G6PD: variants seen among roughly 807,000 people sequenced by gnomAD.
The protein encoded by G6PD is glucose-6-phosphate dehydrogenase.
G6PD carries 2 observed loss-of-function variants against 38.2 expected under a neutral mutation model. That is an observed-to-expected ratio of 0.05 (90% confidence interval 0.02 to 0.16). The LOEUF (loss-of-function observed/expected upper bound fraction) is 0.16. Ranked by LOEUF, G6PD falls within the 10% of genes least tolerant of loss-of-function variation. The pLI, the probability that G6PD is intolerant of heterozygous loss-of-function variation, is 1.00. For synonymous variants in G6PD, 188 were observed against 196.0 expected (o/e 0.96, Z 0.34); for missense variants, 310 against 471.6 (o/e 0.66, Z 3.17).
At chrX:154,533,937 T>A (rs1368689638) in intron 7 of G6PD, 98 bp downstream of exon 7, 1 of 1,199,544 alleles carries the variant, frequency 8.3e-7, no homozygotes, top group Non-Finnish European at 1.1e-6. Context: ...AACTGCAGGG[T>A]GAGGAGGAGC....
At position 154,532,735 on chromosome X, in the gene G6PD, G is replaced by A. The variant is rs782012418; in HGVS notation, c.1119C>T (p.Phe373=). The A allele has an allele frequency of 8.3e-7, 1 of 1,212,032 alleles. No individual in the cohort carries two copies. The highest frequency in any genetic ancestry group is 3.0e-5 in the East Asian group (1 of 33,849). ...GGAAGATGTCGCCGGCCACATCATG[G>A]AACTGCAGCCTCACCTCGGCCTTGC... ...NERKAEVRLQ[F]HDVAGDIFHQ... is the part of the protein sequence containing the mutation. Residue 373 remains phenylalanine (F), a synonymous_variant, in exon 10 of 13, where the codon TTC becomes TTT. Coordinates refer to ENST00000393562, the MANE Select transcript of G6PD (RefSeq NM_001360016.2).
chrX:154,531,974 CGGGGGT>C lies in G6PD; in HGVS notation c.*20_*25del. On this transcript the variant is annotated 3_prime_UTR_variant, in exon 13 of 13. Transcript: ENST00000393562. ...GCGGCGGGAAGGAGGGTGGCCGTGG[CGGGGGT>C]GGAGGTGGGTGCCCAGGGCTCAGAG... 2.5e-6 allele frequency: 1 copy of C among 403,587 alleles called. No individual in the cohort carries two copies. The highest frequency in any genetic ancestry group is 8.4e-5 in the East Asian group (1 of 11,874). The allele number at this position is 403,587 out of a possible 1,213,427, so 33.3% of individuals were successfully genotyped here.
At chrX:154,541,888 C>T (rs1557231999) in intron 2 of G6PD, among the ~76,000 whole-genome samples, 1 of 112,279 alleles carries the variant, frequency 8.9e-6, no homozygotes, top group Non-Finnish European at 1.9e-5. Flanking sequence ...ACGATGCCTG[C>T]TGGAGGGCCA....
chrX:154,534,945 C>A (rs782049810), intron 5 of G6PD: 5 of 446,898 alleles, frequency 1.1e-5, no homozygotes, highest in South Asian at 9.7e-5. Context: ...GCTGCATTCG[C>A]AGAGCAAGGC....
upstream of G6PD, chrX:154,547,275 C>G (rs1298057672): frequency 8.3e-6 from 6 of 719,332 alleles, no homozygotes; most frequent in African/African-American, 1.2e-4. Flanking sequence ...GCGGGGCCTT[C>G]TGCCGCGCCA....
rs782089171 is a variant in G6PD at position 154,546,135 on chromosome X, C to T, written c.21G>A (p.Leu7=). The part of the protein sequence containing the change: MAEQVA[L]SRTQVCGILR... Reference sequence around the variant, plus strand: ...GGATCCCGCACACCTGGGTCCGGCTCAGGGCCACCTGCTCTGCCATGACGC... The same window carrying T: ...GGATCCCGCACACCTGGGTCCGGCTTAGGGCCACCTGCTCTGCCATGACGC... The change falls in exon 2 of 13, where the codon CTG becomes CTA. Residue 7 remains leucine (L), a synonymous_variant. Coordinates refer to ENST00000393562, the MANE Select transcript of G6PD (RefSeq NM_001360016.2). 20 of 1,210,525 alleles carry T rather than the reference C, an allele frequency of 1.7e-5. No homozygotes were observed. Among genetic ancestry groups the T allele is most frequent in the Non-Finnish European group, 2.2e-5 (20 of 895,408 alleles).
rs2070707576 is a variant in G6PD at position 154,546,170 on chromosome X, GAAGA to G, written c.-8-11_-8-8del. ...TGCTCTGCCATGACGCTGTCTGGTG[GAAGA>G]AAGGCTCGTTAACAAGGCAGAAGAA... On this transcript the variant is annotated splice_region_variant and splice_polypyrimidine_tract_variant and intron_variant, in intron 1 of 12. Coordinates refer to ENST00000393562, the MANE Select transcript of G6PD (RefSeq NM_001360016.2). 1 of 1,211,439 alleles carries G rather than the reference GAAGA, an allele frequency of 8.3e-7. No homozygotes were observed. Among genetic ancestry groups the G allele is most frequent in the Non-Finnish European group, 1.1e-6 (1 of 895,524 alleles).
At chrX:154,534,975 C>A in intron 5 of G6PD, 193 bp downstream of exon 5, 1 of 486,015 alleles carries the variant, frequency 2.1e-6, no homozygotes. Flanking sequence ...GCGGCCTGGC[C>A]GGGCCTTTGG....
rs781784222 is a variant in G6PD, at chrX:154,531,682, C to T, written c.*318G>A. The T allele has an allele frequency of 5.4e-4, 155 of 286,168 alleles. 1 individual carries two copies. The South Asian group carries it at 6.7e-3, about 12-fold the overall frequency. The allele number at this position is 286,168 out of a possible 1,213,427, so 23.6% of individuals were successfully genotyped here. A position where few individuals can be genotyped will look rare whatever the true frequency, so the allele number is the denominator to read the frequency against. On this transcript the variant is annotated 3_prime_UTR_variant, in exon 13 of 13. Transcript: ENST00000393562. ...ACCCTGGCCCCACTCAGGAGTGAGA[C>T]CCAGTGGCCAATAAGCTCTGGGACA...
At chrX:154,544,979 T>C (rs1205437209) in intron 2 of G6PD, among the ~76,000 whole-genome samples, 1 of 112,147 alleles carries the variant, frequency 8.9e-6, no homozygotes, top group Non-Finnish European at 1.9e-5. Flanking sequence ...AAGATGGTCA[T>C]ACAGTAATGA....
chrX:154,533,290 TCCAGGAC>T (rs2070363946), intron 8 of G6PD, 162 bp from the exon 9 acceptor site: 6 of 575,723 alleles, frequency 1.0e-5, no homozygotes, highest in African/African-American at 2.3e-5. Context: ...CTGAGGACCC[TCCAGGAC>T]CACCCTGGTC....
intron 5 of G6PD, 87 bp from the exon 6 acceptor site, chrX:154,534,583 G>A: frequency 9.1e-7 from 1 of 1,103,027 alleles, no homozygotes; most frequent in South Asian, 1.9e-5. Context: ...CGCCCTCCCA[G>A]GGGAGTAGAG....
Position 154,535,813 on chromosome X carries a change from G to A in G6PD, c.267+124C>T, listed in dbSNP as rs1274958618. On this transcript the variant is annotated intron_variant, in intron 4 of 12. Coordinates refer to ENST00000393562, the MANE Select transcript of G6PD (RefSeq NM_001360016.2). ...GTCTCAAGGAAGTACGAGAGCAGGC[G>A]GGGCGGGGCAGGAGAGGAGGAGAGC... The A allele has an allele frequency of 1.2e-5, 7 of 567,542 alleles. No individual in the cohort carries two copies. The Admixed American group carries it at 1.3e-4, about 11-fold the overall frequency. 46.8% of individuals were successfully genotyped at this position (567,542 alleles called of 1,213,427 possible).
intron 2 of G6PD, among the ~76,000 whole-genome samples, chrX:154,537,990 GTTT>G (rs781988750): frequency 1.1e-5 from 1 of 91,074 alleles, no homozygotes; most frequent in Admixed American, 1.2e-4. Flanking sequence ...AAATCAGGAG[GTTT>G]TTTTTTTTTT....
upstream of G6PD, chrX:154,547,173 C>A: frequency 4.3e-6 from 1 of 232,817 alleles, no homozygotes; most frequent in Non-Finnish European, 6.2e-6. Context: ...CCGGTTTCCC[C>A]GCCTGCCCCG....
intron 4 of G6PD, 93 bp downstream of exon 4, chrX:154,535,844 G>T: frequency 1.4e-6 from 1 of 711,751 alleles, no homozygotes; most frequent in Admixed American, 2.5e-5. Context: ...AGAGCATCCC[G>T]GGATGGGATG....
At chrX:154,535,523 C>G in intron 4 of G6PD, 138 bp from the exon 5 acceptor site, 1 of 570,485 alleles carries the variant, frequency 1.8e-6, no homozygotes, top group Non-Finnish European at 2.9e-6. Flanking sequence ...TGTCCCCGTC[C>G]CACACTGGGT....
At chrX:154,538,338 A>G (rs1344102023) in intron 2 of G6PD, among the ~76,000 whole-genome samples, 1 of 112,188 alleles carries the variant, frequency 8.9e-6, no homozygotes, top group Non-Finnish European at 1.9e-5. Flanking sequence ...TCAGCAAACC[A>G]AATCCTGCAA....
Position 154,532,569 on chromosome X carries a change from T to C in G6PD, c.1285A>G (p.Lys429Glu), listed in dbSNP as rs1557229648. The change falls in exon 10 of 13, where the codon AAG (lysine) becomes GAG (glutamate). Residue 429 changes from lysine (K) to glutamate (E), a missense_variant and splice_region_variant. Lys to Glu is a moderately conservative substitution (Grantham distance 56). Coordinates refer to ENST00000393562, the MANE Select transcript of G6PD (RefSeq NM_001360016.2). The stretch of plus-strand genomic sequence containing the variant: ...ACTGCTCCTTCTCTGTAGGGCACCT[T>C]GTATCTGTTGCCGTAGGTCAGGTCC... ...ELDLTYGNRY[K>E]NVKLPDAYER... The C allele has an allele frequency of 2.5e-6, 3 of 1,211,401 alleles. No individual in the cohort carries two copies. The highest frequency in any genetic ancestry group is 4.3e-5 in the Admixed American group (2 of 46,127).
Sources: gnomAD v4.1 joint callset for allele counts (sites outside exome capture counted in the v4.1 genomes callset) on GRCh38, gnomAD v4.1.1 for gene constraint, MANE v1.5 for transcripts, NCBI Gene and HGNC (gene_info 2026-07-23, HGNC 2026-07-21) for gene names.